The following TENM2 variants were observed in gnomAD, a reference collection of about 807,000 sequenced individuals.
TENM2 encodes the protein teneurin-2.
In TENM2, 52 loss-of-function variants were observed where a neutral mutation model predicts 245.2. That is an observed-to-expected ratio of 0.21 (90% CI 0.17 to 0.27). The LOEUF is 0.27. Ranked by LOEUF, TENM2 falls within the 10% of genes least tolerant of loss-of-function variation. The pLI is 1.00. For synonymous variants in TENM2, 1,363 were observed against 1,438.9 expected (o/e 0.95, Z 1.19); for missense variants, 3,046 against 3,666.8 (o/e 0.83, Z 4.37).
intron 7 of TENM2, among the ~76,000 whole-genome samples, chr5:168,062,705 T>A (rs1168756944): frequency 1.3e-5 from 2 of 151,996 alleles, no homozygotes; most frequent in Admixed American, 1.3e-4. Context: ...AGGAATGGAG[T>A]ATTGTTACAT....
intron 2 of TENM2, among the ~76,000 whole-genome samples, chr5:167,826,790 C>T (rs1023412999): frequency 6.6e-6 from 1 of 152,200 alleles, no homozygotes; most frequent in Non-Finnish European, 1.5e-5. Flanking sequence ...GTCAAGGTAC[C>T]TCCCTGATAT....
the TENM2 span, among the ~76,000 whole-genome samples, chr5:167,095,487 C>A: frequency 3.3e-5 from 5 of 152,230 alleles, no homozygotes; most frequent in South Asian, 4.1e-4. Flanking sequence ...TCCTGTAAGT[C>A]TTGGCCCAGC....
At chr5:167,566,781 C>G (rs1326520961) in intron 2 of TENM2, among the ~76,000 whole-genome samples, 2 of 152,206 alleles carry the variant, frequency 1.3e-5, no homozygotes, top group Non-Finnish European at 2.9e-5. Context: ...TTGAGGCCAA[C>G]TCTATTCGGT....
intron 2 of TENM2, among the ~76,000 whole-genome samples, chr5:167,489,245 G>T (rs931013894): frequency 6.6e-6 from 1 of 152,044 alleles, no homozygotes. Flanking sequence ...TCAAAGTAAG[G>T]GTCTAATGCC....
At chr5:167,052,397 A>G in the TENM2 span, among the ~76,000 whole-genome samples, 2 of 152,188 alleles carry the variant, frequency 1.3e-5, no homozygotes, top group Non-Finnish European at 2.9e-5. Context: ...AATTTAATAA[A>G]AATTTTATGG....
the TENM2 span, among the ~76,000 whole-genome samples, chr5:167,187,346 A>G: frequency 6.6e-6 from 1 of 152,188 alleles, no homozygotes; most frequent in African/African-American, 2.4e-5. Flanking sequence ...GCCTCCTCTG[A>G]TGCTGATTAA....
chr5:167,295,712 C>T (rs186282233), intron 1 of TENM2, among the ~76,000 whole-genome samples: 139 of 152,258 alleles, frequency 9.1e-4, no homozygotes, highest in African/African-American at 3.1e-3. Flanking sequence ...AAGGGGCTAG[C>T]GTGTACTCGA....
At chr5:167,266,113 A>G in the TENM2 span, among the ~76,000 whole-genome samples, 3 of 152,274 alleles carry the variant, frequency 2.0e-5, no homozygotes, top group Non-Finnish European at 4.4e-5. Flanking sequence ...ACTTCAACCA[A>G]TTGAGCCTCT....
the TENM2 span, among the ~76,000 whole-genome samples, chr5:167,057,210 C>G: frequency 6.6e-6 from 1 of 152,124 alleles, no homozygotes; most frequent in African/African-American, 2.4e-5. Flanking sequence ...TTGCAACTCT[C>G]TGCTTACATC....
chr5:167,111,900 A>C, the TENM2 span, among the ~76,000 whole-genome samples: 5 of 152,166 alleles, frequency 3.3e-5, 1 homozygote, highest in African/African-American at 1.2e-4. Flanking sequence ...AATAGAAATA[A>C]TGTGTTCCCT....
intron 2 of TENM2, among the ~76,000 whole-genome samples, chr5:167,781,417 G>A (rs1764178502): frequency 6.6e-6 from 1 of 152,094 alleles, no homozygotes; most frequent in African/African-American, 2.4e-5. Context: ...AATAATAAAG[G>A]TACTACAGTA....
intron 2 of TENM2, among the ~76,000 whole-genome samples, chr5:167,510,516 AC>A (rs1769870107): frequency 6.6e-6 from 1 of 152,150 alleles, no homozygotes; most frequent in South Asian, 2.1e-4. Context: ...TTTGTTTTAT[AC>A]CATAAGTGTT....
At chr5:167,959,691 C>T (rs539476639) in intron 4 of TENM2, among the ~76,000 whole-genome samples, 33 of 152,280 alleles carry the variant, frequency 2.2e-4, no homozygotes, top group African/African-American at 7.9e-4. Context: ...CCTTCTGAAA[C>T]CTACTTTTGT....
chr5:168,035,394 G>T (rs1787570169), intron 5 of TENM2, among the ~76,000 whole-genome samples: 1 of 151,994 alleles, frequency 6.6e-6, no homozygotes, highest in Admixed American at 6.6e-5. Flanking sequence ...CTACTCGGGA[G>T]GCTGAGGCAT....
intron 3 of TENM2, among the ~76,000 whole-genome samples, chr5:167,936,396 T>C (rs957981569): frequency 6.6e-6 from 1 of 152,230 alleles, no homozygotes; most frequent in Non-Finnish European, 1.5e-5. Flanking sequence ...GATATGCCAA[T>C]AGGACTTTTA....
intron 5 of TENM2, among the ~76,000 whole-genome samples, chr5:168,032,356 T>C (rs1205052807): frequency 2.0e-5 from 3 of 152,208 alleles, no homozygotes; most frequent in South Asian, 2.1e-4. Flanking sequence ...TGGAGTATAG[T>C]AGGGGCTCAA....
chr5:167,693,469 G>C (rs1239895136), intron 2 of TENM2, among the ~76,000 whole-genome samples: 3 of 152,054 alleles, frequency 2.0e-5, no homozygotes, highest in Admixed American at 1.3e-4. Flanking sequence ...TGTTGAACTT[G>C]ATTCAATTTT....
At chr5:167,224,591 C>G in the TENM2 span, among the ~76,000 whole-genome samples, 1 of 151,932 alleles carries the variant, frequency 6.6e-6, no homozygotes, top group Non-Finnish European at 1.5e-5. Context: ...TTTACTATAG[C>G]CTTGTGATAT....
chr5:167,400,154 T>C (rs1020077395), intron 2 of TENM2, among the ~76,000 whole-genome samples: 1 of 151,386 alleles, frequency 6.6e-6, no homozygotes, highest in Non-Finnish European at 1.5e-5. Flanking sequence ...GAAAAATTAT[T>C]CTAAATGTGG....
Sources: allele counts gnomAD v4.1 joint callset (sites outside exome capture counted in the v4.1 genomes callset), GRCh38; gene constraint gnomAD v4.1.1; transcripts MANE v1.5; gene names NCBI Gene and HGNC (gene_info 2026-07-23, HGNC 2026-07-21).